The following IFT140 variants were observed in gnomAD, a reference collection of about 807,000 sequenced individuals.
The protein encoded by IFT140 is intraflagellar transport 140.
In IFT140, 133 loss-of-function variants were observed where a neutral mutation model predicts 164.6. That is an observed-to-expected ratio of 0.81 (90% CI 0.70 to 0.93). The LOEUF (loss-of-function observed/expected upper bound fraction) is 0.93, where lower values mean the gene tolerates loss of function less well. IFT140 is among the 40% of genes least tolerant of loss of function. IFT140 has a pLI of 0.00. For synonymous variants in IFT140, 860 were observed against 817.3 expected (o/e 1.05, Z -0.89); for missense variants, 2,045 against 1,972.3 (o/e 1.04, Z -0.70).
intron 9 of IFT140, among the ~76,000 whole-genome samples, 194 bp from the exon 10 acceptor site, chr16:1,586,469 T>TG (rs563186845): frequency 3.5e-4 from 52 of 149,214 alleles, no homozygotes; most frequent in Middle Eastern, 3.5e-3. Flanking sequence ...GCGGGGGTGG[T>TG]GGGGGATGCT....
Position 1,583,332 on chromosome 16 carries a change from CTCCAGA to C in IFT140, c.1408_1413del (p.Ser470_Gly471del). On this transcript the variant is annotated inframe_deletion, in exon 12 of 31. Transcript: ENST00000426508. ...AACCCACCTGCACTCCGTATCGCGG[CTCCAGA>C]AAGCTCGAAGATCGCCACCTGCCTT... 6.2e-7 allele frequency: 1 copy of C among 1,614,144 alleles called. No individual in the cohort carries two copies. Among genetic ancestry groups the C allele is most frequent in the Non-Finnish European group, 8.5e-7 (1 of 1,180,010 alleles).
At chr16:1,517,449 CAT>C (rs2040397732) in intron 30 of IFT140, among the ~76,000 whole-genome samples, 2 of 145,742 alleles carry the variant, frequency 1.4e-5, no homozygotes, top group South Asian at 4.3e-4. Context: ...ATAATAAGCA[CAT>C]GAGAAGGAGC....
chr16:1,517,332 AGAGT>A (rs1215999953), intron 30 of IFT140, among the ~76,000 whole-genome samples: 1 of 150,012 alleles, frequency 6.7e-6, no homozygotes, highest in Non-Finnish European at 1.5e-5. Context: ...CCTGGGCAAC[AGAGT>A]GAGACTCCGT....
intron 18 of IFT140, among the ~76,000 whole-genome samples, chr16:1,561,093 G>A (rs2033382559): frequency 6.6e-6 from 1 of 152,344 alleles, no homozygotes; most frequent in South Asian, 2.1e-4. Flanking sequence ...GGTCAGCCAG[G>A]CTCCTCTCTG....
chr16:1,587,971 G>A lies in IFT140; in HGVS notation c.864C>T (p.Gly288=), dbSNP rs543424977. Residue 288 remains glycine, a synonymous_variant, in exon 8 of 31, where the codon GGC becomes GGT. Transcript: ENST00000426508. ...GRRADIALIE[G]SLLVMAVGEA... Reference sequence around the variant, plus strand: ...CCCCGACGGCCATCACGAGAAGGCTGCCTTCAATCAAAGCGATGTCTGCCC... The same window carrying A: ...CCCCGACGGCCATCACGAGAAGGCTACCTTCAATCAAAGCGATGTCTGCCC... 1.9e-6 allele frequency: 3 copies of A among 1,613,778 alleles called. No individual in the cohort carries two copies. The East Asian group carries it at 6.7e-5, about 36-fold the overall frequency.
intron 18 of IFT140, among the ~76,000 whole-genome samples, chr16:1,558,513 C>T (rs1313144576): frequency 6.6e-6 from 1 of 152,246 alleles, no homozygotes; most frequent in Non-Finnish European, 1.5e-5. Flanking sequence ...CAGTGAGGCC[C>T]CGCATGGCAC....
At chr16:1,526,380 G>A (rs1364659911) in intron 20 of IFT140, 15 of 593,712 alleles carry the variant, frequency 2.5e-5, no homozygotes, top group East Asian at 1.2e-4. Flanking sequence ...TCTCTCGGGC[G>A]CTCTGTTCCA....
intron 3 of IFT140, among the ~76,000 whole-genome samples, chr16:1,606,492 C>A (rs1027301826): frequency 6.6e-6 from 1 of 152,074 alleles, no homozygotes; most frequent in African/African-American, 2.4e-5. Context: ...CAGAGTTTTG[C>A]TTTTGTTGCC....
chr16:1,513,127 T>A (rs1362099547), intron 30 of IFT140: 12 of 152,206 alleles, frequency 7.9e-5, no homozygotes, highest in Admixed American at 7.2e-4. Context: ...CCTGCAGGCA[T>A]CGGCATAGCT....
intron 3 of IFT140, among the ~76,000 whole-genome samples, chr16:1,603,471 T>C (rs1318458101): frequency 2.0e-5 from 3 of 152,056 alleles, no homozygotes; most frequent in Non-Finnish European, 4.4e-5. Flanking sequence ...TTGTGAGATA[T>C]GTGCTGCGTT....
intron 30 of IFT140, 149 bp from the exon 31 acceptor site, chr16:1,511,299 G>T: frequency 1.4e-6 from 1 of 732,960 alleles, no homozygotes; most frequent in South Asian, 1.5e-5. Flanking sequence ...CTTCCCATTG[G>T]TGATGGGGGA....
At chr16:1,527,073 CT>C (rs776662326) in intron 19 of IFT140, 8 of 466,252 alleles carry the variant, frequency 1.7e-5, no homozygotes, top group South Asian at 4.7e-5. Context: ...GCTCCTCCTC[CT>C]TTTTCCCTGC....
intron 2 of IFT140, among the ~76,000 whole-genome samples, chr16:1,608,053 T>G (rs1282199595): frequency 6.6e-6 from 1 of 152,100 alleles, no homozygotes; most frequent in East Asian, 1.9e-4. Context: ...AAAGACTGTC[T>G]TTTACCTCTG....
At chr16:1,543,994 G>C (rs2141311977) in intron 19 of IFT140, among the ~76,000 whole-genome samples, 1 of 152,046 alleles carries the variant, frequency 6.6e-6, no homozygotes, top group Admixed American at 6.5e-5. Context: ...CCTTCTGTAA[G>C]ATAACCCAAT....
chr16:1,603,160 G>T (rs1178162448), intron 3 of IFT140, among the ~76,000 whole-genome samples: 1 of 152,100 alleles, frequency 6.6e-6, no homozygotes, highest in Non-Finnish European at 1.5e-5. Flanking sequence ...GTGCCACCTT[G>T]TCATGATGTG....
rs756991855 is a variant in IFT140, at chr16:1,520,758, C to G, written c.3504G>C (p.Glu1168Asp). Residue 1168 changes from glutamate (E) to aspartate (D), a missense_variant, in exon 27 of 31, where the codon GAG (glutamate) becomes GAC (aspartate). Glu to Asp is a conservative substitution (Grantham distance 45, BLOSUM62 2). Transcript: ENST00000426508. ...CCACGGTCATCTTTTCCGCCATCTC[C>G]TCGGTGATGCTCATGTTCTGCCCCA... ...LCLGQNMSIT[E>D]EMAEKMTVAK... 6.2e-7 allele frequency: 1 copy of G among 1,608,750 alleles called. No homozygotes were observed. Among genetic ancestry groups the G allele is most frequent in the South Asian group, 1.1e-5 (1 of 91,024 alleles).
In IFT140 at chr16:1,584,356, C is replaced by G. The variant is rs151198844; in HGVS notation, c.1220G>C (p.Arg407Pro). Residue 407 changes from arginine (R) to proline (P), a missense_variant, in exon 11 of 31, where the codon CGG becomes CCG. Arg to Pro is a moderately radical substitution (Grantham distance 103). Coordinates refer to ENST00000426508, the MANE Select transcript of IFT140 (RefSeq NM_014714.4). ...CTGGTGGAAGTGTGACGACATGGCCCGCTCGCTGAGGATGGCCACGGAGAT... is the reference window on the plus strand; with the variant it reads ...CTGGTGGAAGTGTGACGACATGGCCGGCTCGCTGAGGATGGCCACGGAGAT... ...SVISVAILSERAMSSHFHQQV... is the reference protein window; with the variant it reads ...SVISVAILSEPAMSSHFHQQV... 6.2e-7 allele frequency: 1 copy of G among 1,613,170 alleles called. No individual in the cohort carries two copies. Among genetic ancestry groups the G allele is most frequent in the African/African-American group, 1.3e-5 (1 of 75,016 alleles).
intron 19 of IFT140, among the ~76,000 whole-genome samples, chr16:1,549,057 C>T (rs1035769428): frequency 1.4e-4 from 22 of 152,190 alleles, no homozygotes; most frequent in African/African-American, 4.3e-4. Flanking sequence ...GGTGCTAGGA[C>T]GAGGGCAACG....
At chr16:1,581,084 C>T (rs967648943) in intron 12 of IFT140, among the ~76,000 whole-genome samples, 1 of 152,178 alleles carries the variant, frequency 6.6e-6, no homozygotes, top group African/African-American at 2.4e-5. Flanking sequence ...TGTGGAGACT[C>T]CATGCTGGGC....
Sources: gnomAD v4.1 joint callset for allele counts (sites outside exome capture counted in the v4.1 genomes callset) on GRCh38, gnomAD v4.1.1 for gene constraint, MANE v1.5 for transcripts, NCBI Gene and HGNC (gene_info 2026-07-23, HGNC 2026-07-21) for gene names.